ACADVL: variants seen among roughly 807,000 people sequenced by gnomAD.
ACADVL encodes acyl-CoA dehydrogenase very long chain.
A neutral mutation model predicts 80.4 loss-of-function variants in ACADVL; 73 were observed. That is an observed-to-expected ratio of 0.91 (90% CI 0.75 to 1.10). The LOEUF (loss-of-function observed/expected upper bound fraction) is 1.10, where lower values mean the gene tolerates loss of function less well. Among genes scored for constraint, ACADVL ranks in the 50% least tolerant of loss-of-function variants. The probability of loss-of-function intolerance (pLI) is 0.00; values close to 1 mark genes in which losing one functional copy is unlikely to be tolerated. For missense variants in ACADVL, 878 were observed against 858.9 expected, an observed-to-expected ratio of 1.02 and a Z score of -0.28; for synonymous variants, 392 against 326.5, an observed-to-expected ratio of 1.20 and a Z score of -2.16.
chr17:7,220,197 G>A lies in ACADVL; in HGVS notation c.138G>A (p.Gln46=), dbSNP rs775956800. ...ARRPYAGGAA[Q]LALDKSDSHP... ...GGCCCTATGCCGGGGGTGCCGCTCA[G>A]GTAAGTCACCGCAGCCTTGGCAAGG... Residue 46 remains glutamine (Q), a splice_region_variant and synonymous_variant, in exon 2 of 20, where the codon CAG becomes CAA. Coordinates refer to ENST00000356839, the MANE Select transcript of ACADVL (RefSeq NM_000018.4). 24 of 1,532,382 alleles carry A rather than the reference G, an allele frequency of 1.6e-5. No individual in the cohort carries two copies. Among genetic ancestry groups the A allele is most frequent in the African/African-American group, 9.6e-5 (7 of 73,106 alleles). The allele number at this position is 1,532,382 out of a possible 1,614,324, so 94.9% of individuals were successfully genotyped here.
chr17:7,223,271 C>A (rs1489372962), intron 11 of ACADVL, 34 bp downstream of exon 11: 3 of 1,573,776 alleles, frequency 1.9e-6, no homozygotes, highest in Non-Finnish European at 2.6e-6. Flanking sequence ...CCCTGGAGCC[C>A]TGGGGCTTTC....
In ACADVL at chr17:7,221,981, G is replaced by T; in HGVS notation, c.652G>T (p.Glu218Ter). The change falls in exon 8 of 20, where the codon GAG (glutamate) becomes TAG (stop). Residue 218 changes from glutamate to a stop codon, truncating the protein, a stop_gained. Transcript: ENST00000356839. LOFTEE classifies it high-confidence loss of function. ...GETVAAFCLT[E>*]PSSGSDAASI... ...GACTGTGGCCGCTTTCTGTCTAACC[G>T]AGCCCTCAAGCGGGTCAGATGCAGC... The T allele has an allele frequency of 6.2e-7, 1 of 1,614,034 alleles. No individual in the cohort carries two copies. The highest frequency in any genetic ancestry group is 1.7e-5 in the Admixed American group (1 of 60,014).
chr17:7,224,207 G>T lies in ACADVL; in HGVS notation c.1496G>T (p.Gly499Val), dbSNP rs764943140. 3.7e-6 allele frequency: 6 copies of T among 1,613,912 alleles called. No homozygotes were observed. In the African/African-American group the frequency reaches 8.0e-5, roughly 22 times the overall value. Residue 499 changes from glycine (G) to valine (V), a missense_variant, in exon 15 of 20, where the codon GGC becomes GTC. Physicochemically the swap from Gly to Val is moderately radical, Grantham distance 109. Coordinates refer to ENST00000356839, the MANE Select transcript of ACADVL (RefSeq NM_000018.4). ...CTAAAGAATCCCTTTGGGAATGCTG[G>T]CCTCCTGCTAGGAGAGGCAGGCAAA... ...SALKNPFGNAGLLLGEAGKQL... is the reference protein window; with the variant it reads ...SALKNPFGNAVLLLGEAGKQL...
intron 8 of ACADVL, 47 bp from the exon 9 acceptor site, chr17:7,222,130 C>T: frequency 6.2e-7 from 1 of 1,614,192 alleles, no homozygotes; most frequent in Non-Finnish European, 8.5e-7. Context: ...ATTCCAGGCC[C>T]CACTGCTCCC....
chr17:7,225,188 G>C lies in ACADVL; in HGVS notation c.*91G>C. ...CTTAAGGCCCTGGTTTGTCCCGAAG[G>C]GGCCTAGTGTTCCCAGCACTGTGCC... On this transcript the variant is annotated 3_prime_UTR_variant, in exon 20 of 20. Transcript: ENST00000356839. The C allele has an allele frequency of 6.3e-7, 1 of 1,575,954 alleles. No homozygotes were observed. Among genetic ancestry groups the C allele is most frequent in the African/African-American group, 1.3e-5 (1 of 74,388 alleles).
rs979305006 is a variant in ACADVL, at chr17:7,224,398, G to A, written c.1605+5G>A. 3.7e-6 allele frequency: 6 copies of A among 1,613,772 alleles called. No homozygotes were observed. The highest frequency in any genetic ancestry group is 1.7e-5 in the Admixed American group (1 of 60,002). On this transcript the variant is annotated splice_donor_5th_base_variant and intron_variant, in intron 16 of 19. Transcript: ENST00000356839. ...TTGAGTCGGAGTGGCGAGCTGGTAA[G>A]TGGCCAGGGGTCCAGGAGAGCCTGC...
rs376281637 is a variant in ACADVL at position 7,223,240 on chromosome 17, G to T, written c.1182+3G>T. On this transcript the variant is annotated splice_donor_region_variant and intron_variant, in intron 11 of 19. Coordinates refer to ENST00000356839, the MANE Select transcript of ACADVL (RefSeq NM_000018.4). ...TTATGCTGCAGTATGTAACTGAGGT[G>T]AGGGCCTCCCAAGCCCCTCTCCCTG... is the stretch of plus-strand genomic sequence containing the variant. 2.4e-5 allele frequency: 39 copies of T among 1,610,534 alleles called. No individual in the cohort carries two copies. The highest frequency in any genetic ancestry group is 3.3e-5 in the Admixed American group (2 of 60,002).
At chr17:7,221,506 G>C in intron 6 of ACADVL, 32 bp from the exon 7 acceptor site, 3 of 1,611,478 alleles carry the variant, frequency 1.9e-6, no homozygotes, top group Non-Finnish European at 2.5e-6. Context: ...CCTGCAGCCA[G>C]TGACAACCCC....
chr17:7,221,424 GC>G, intron 6 of ACADVL, 113 bp from the exon 7 acceptor site: 1 of 424,570 alleles, frequency 2.4e-6, no homozygotes, highest in Non-Finnish European at 2.9e-6. Flanking sequence ...GTCAGGCACT[GC>G]CCTAGGTCAG....
chr17:7,218,395 C>T, upstream of ACADVL: 1 of 1,392,124 alleles, frequency 7.2e-7, no homozygotes, highest in Non-Finnish European at 1.0e-6. Context: ...TCAGCCAAGG[C>T]TGGTCCACAC....
At position 7,221,697 on chromosome 17, in the gene ACADVL, GGA is replaced by G. The variant is rs778884223; in HGVS notation, c.622+19_622+20del. 1 of 1,613,332 alleles carries G rather than the reference GGA, an allele frequency of 6.2e-7. No individual in the cohort carries two copies. Among genetic ancestry groups the G allele is most frequent in the African/African-American group, 1.3e-5 (1 of 74,930 alleles). ...GCTGGCATCTGGTGAGGCAACCCTA[GGA>G]GAGCCAGGGATTGGGGGGCACACTG... On this transcript the variant is annotated intron_variant, in intron 7 of 19. Transcript: ENST00000356839.
rs1025620765 is a variant in ACADVL at position 7,224,088 on chromosome 17, T to C, written c.1434+19T>C. ...CTGTATGGTAAGACAGAGAATTGGGTGGGGGTAGAGGTGGGGAGGACAGTG... is the reference window on the plus strand; with the variant it reads ...CTGTATGGTAAGACAGAGAATTGGGCGGGGGTAGAGGTGGGGAGGACAGTG... On this transcript the variant is annotated intron_variant, in intron 14 of 19. Transcript: ENST00000356839. 6.2e-7 allele frequency: 1 copy of C among 1,613,622 alleles called. No individual in the cohort carries two copies. Among genetic ancestry groups the C allele is most frequent in the Non-Finnish European group, 8.5e-7 (1 of 1,179,820 alleles).
chr17:7,220,599 C>T lies in ACADVL; in HGVS notation c.205-5C>T, dbSNP rs768537914. ...GAGCCCTGAAATTTGCCTCTCTCTG[C>T]CCAGGAATCTAAGTCCTTTGCTGTG... On this transcript the variant is annotated splice_region_variant and splice_polypyrimidine_tract_variant and intron_variant, in intron 3 of 19. Coordinates refer to ENST00000356839, the MANE Select transcript of ACADVL (RefSeq NM_000018.4). 6.2e-7 allele frequency: 1 copy of T among 1,614,210 alleles called. No individual in the cohort carries two copies. The highest frequency in any genetic ancestry group is 1.1e-5 in the South Asian group (1 of 91,080).
chr17:7,221,854 T>C (rs2071244337), intron 7 of ACADVL, 98 bp from the exon 8 acceptor site: 2 of 1,600,212 alleles, frequency 1.2e-6, no homozygotes, highest in Non-Finnish European at 1.7e-6. Flanking sequence ...TACTCCCAGG[T>C]GTTAAGGGGG....
Position 7,219,965 on chromosome 17 carries a change from G to A in ACADVL, c.-20G>A. 6.3e-7 allele frequency: 1 copy of A among 1,595,590 alleles called. No individual in the cohort carries two copies. The highest frequency in any genetic ancestry group is 8.5e-7 in the Non-Finnish European group (1 of 1,175,318). On this transcript the variant is annotated 5_prime_UTR_variant, in exon 1 of 20. Coordinates refer to ENST00000356839, the MANE Select transcript of ACADVL (RefSeq NM_000018.4). ...AGCTGGGTCAGAGCTCGAGCCAGCG[G>A]CGCCCGGAGAGATTCGGAGATGCAG...
chr17:7,217,177 A>G, upstream of ACADVL: 2 of 1,280,516 alleles, frequency 1.6e-6, no homozygotes, highest in Non-Finnish European at 2.0e-6. Context: ...GCGGCGGGTA[A>G]GGGGCTCTGA....
At position 7,222,049 on chromosome 17, in the gene ACADVL, C is replaced by T. The variant is rs11548307; in HGVS notation, c.720C>T (p.Tyr240=). ...TSAVPSPCGK[Y]YTLNGSKLWI... is the part of the protein sequence containing the mutation. ...CTGTGCCCAGCCCCTGTGGAAAATACTATACCCTCAATGGAAGCAAGCTTT... is the reference window on the plus strand; with the variant it reads ...CTGTGCCCAGCCCCTGTGGAAAATATTATACCCTCAATGGAAGCAAGCTTT... The change falls in exon 8 of 20, where the codon TAC becomes TAT. Residue 240 remains tyrosine (Y), a synonymous_variant. Transcript: ENST00000356839. 1.2e-6 allele frequency: 2 copies of T among 1,614,130 alleles called. No individual in the cohort carries two copies. The highest frequency in any genetic ancestry group is 1.7e-6 in the Non-Finnish European group (2 of 1,180,018).
intron 11 of ACADVL, 96 bp downstream of exon 11, chr17:7,223,333 T>C: frequency 4.2e-6 from 5 of 1,183,100 alleles, no homozygotes; most frequent in African/African-American, 3.0e-5. Flanking sequence ...GCAGTGGGTC[T>C]CCAGCTTTAC....
chr17:7,223,103 C>T (rs775016425), intron 10 of ACADVL, 30 bp from the exon 11 acceptor site: 7 of 1,589,430 alleles, frequency 4.4e-6, no homozygotes, highest in Non-Finnish European at 6.0e-6. Context: ...CCACACTGAA[C>T]CACAGCGGGA....
Sources: gnomAD v4.1 joint callset for allele counts on GRCh38, gnomAD v4.1.1 for gene constraint, MANE v1.5 for transcripts, NCBI Gene and HGNC (gene_info 2026-07-23, HGNC 2026-07-21) for gene names.